The following PCLO variants were observed in gnomAD, a reference collection of about 807,000 sequenced individuals.
The protein encoded by PCLO is protein piccolo.
In PCLO, 82 loss-of-function variants were observed where a neutral mutation model predicts 427.5. The observed-to-expected ratio is 0.19, with a 90% CI of 0.16 to 0.23. The LOEUF (loss-of-function observed/expected upper bound fraction) is 0.23. PCLO is among the 10% of genes least tolerant of loss of function. The pLI, the probability that PCLO is intolerant of heterozygous loss-of-function variation, is 1.00. For synonymous variants in PCLO, 2,357 were observed against 2,155.4 expected (o/e 1.09, Z -2.59); for missense variants, 6,239 against 6,115.9 (o/e 1.02, Z -0.67).
At chr7:82,780,485 A>G (rs1411490723) in intron 22 of PCLO, among the ~76,000 whole-genome samples, 1 of 152,124 alleles carries the variant, frequency 6.6e-6, no homozygotes, top group Non-Finnish European at 1.5e-5. Flanking sequence ...GAAAATACCT[A>G]TCATCTCCCC....
Position 82,950,449 on chromosome 7 carries a change from C to G in PCLO, c.10139G>C (p.Gly3380Ala). The G allele has an allele frequency of 1.9e-6, 3 of 1,613,734 alleles. No individual in the cohort carries two copies. The highest frequency in any genetic ancestry group is 2.7e-5 in the African/African-American group (2 of 74,958). Residue 3380 changes from glycine (G) to alanine (A), a missense_variant, in exon 6 of 25, where the codon GGT becomes GCT. Physicochemically the swap from Gly to Ala is moderately conservative, Grantham distance 60 (BLOSUM62 0). Coordinates refer to ENST00000333891, the MANE Select transcript of PCLO (RefSeq NM_033026.6). Reference sequence around the variant, plus strand: ...AGGTGGGGCAATGTACTGAGTAACACCATCAGACTGAACGGTGTACCATCC... The same window carrying G: ...AGGTGGGGCAATGTACTGAGTAACAGCATCAGACTGAACGGTGTACCATCC... ...SQGWYTVQSDGVTQYIAPPGI... is the reference protein window; with the variant it reads ...SQGWYTVQSDAVTQYIAPPGI...
chr7:82,864,554 T>C (rs958887222), intron 10 of PCLO, among the ~76,000 whole-genome samples: 7 of 152,210 alleles, frequency 4.6e-5, no homozygotes, highest in African/African-American at 1.4e-4. Context: ...AATTAGATCA[T>C]TATTTTAAAA....
At position 82,758,521 on chromosome 7, in the gene PCLO, T is replaced by A; in HGVS notation, c.*54A>T. 1 of 1,499,986 alleles carries A rather than the reference T, an allele frequency of 6.7e-7. No homozygotes were observed. Among genetic ancestry groups the A allele is most frequent in the East Asian group, 2.3e-5 (1 of 44,174 alleles). 92.9% of individuals were successfully genotyped at this position (1,499,986 alleles called of 1,614,324 possible). A position where few individuals can be genotyped will look rare whatever the true frequency, so the allele number is the denominator to read the frequency against. On this transcript the variant is annotated 3_prime_UTR_variant, in exon 25 of 25. Coordinates refer to ENST00000333891, the MANE Select transcript of PCLO (RefSeq NM_033026.6). ...TTTGTACAATAGTATTCAACTATAG[T>A]CTTGATGTGAGGCTATTTAGAGCAG...
At chr7:82,776,534 C>T (rs1176890249) in intron 22 of PCLO, among the ~76,000 whole-genome samples, 1 of 152,204 alleles carries the variant, frequency 6.6e-6, no homozygotes, top group Non-Finnish European at 1.5e-5. Context: ...GTGACTCATG[C>T]CTGTAATCCC....
At chr7:83,106,810 T>C (rs1414288246) in intron 3 of PCLO, among the ~76,000 whole-genome samples, 1 of 152,150 alleles carries the variant, frequency 6.6e-6, no homozygotes, top group Admixed American at 6.6e-5. Flanking sequence ...TTTATAAAAA[T>C]AAGTATTAAT....
intron 16 of PCLO, among the ~76,000 whole-genome samples, chr7:82,831,022 G>T (rs905374916): frequency 2.0e-5 from 3 of 151,996 alleles, no homozygotes; most frequent in African/African-American, 7.2e-5. Flanking sequence ...TTTAATTCAT[G>T]CATGAAAAGC....
chr7:83,104,010 ATTG>A (rs1313570097), intron 3 of PCLO, among the ~76,000 whole-genome samples: 1 of 152,024 alleles, frequency 6.6e-6, no homozygotes, highest in African/African-American at 2.4e-5. Context: ...AAAGTTGAAA[ATTG>A]TTGTTCATTA....
intron 3 of PCLO, among the ~76,000 whole-genome samples, chr7:83,031,083 C>T (rs905111993): frequency 4.6e-5 from 7 of 152,096 alleles, no homozygotes; most frequent in Admixed American, 1.3e-4. Flanking sequence ...CACTTAGCTC[C>T]CCTGAGCTGC....
intron 3 of PCLO, among the ~76,000 whole-genome samples, chr7:83,083,989 G>A (rs952907402): frequency 6.6e-6 from 1 of 152,108 alleles, no homozygotes; most frequent in Non-Finnish European, 1.5e-5. Flanking sequence ...CTCTGTGTAG[G>A]AAACTCATCA....
chr7:82,987,244 T>C lies in PCLO; in HGVS notation c.3301-20757A>G, dbSNP rs370834712. 2.0e-5 allele frequency among the ~76,000 whole-genome samples: 3 copies of C among 152,114 alleles called. No homozygotes were observed. The East Asian group carries it at 5.8e-4, about 29-fold the overall frequency. On this transcript the variant is annotated intron_variant, in intron 3 of 24. Transcript: ENST00000333891. ...GATAAGACATAAAATAAAATCTTCA[T>C]ATTTATTGATTCTAGCTACTTGATT...
In PCLO at chr7:82,915,439, T is replaced by C. The variant is rs373828809; in HGVS notation, c.12547A>G (p.Ile4183Val). The C allele has an allele frequency of 6.2e-7, 1 of 1,613,648 alleles. No homozygotes were observed. Among genetic ancestry groups the C allele is most frequent in the Non-Finnish European group, 8.5e-7 (1 of 1,179,742 alleles). The change falls in exon 7 of 25, where the codon ATA (isoleucine) becomes GTA (valine). Residue 4183 changes from isoleucine (I) to valine (V), a missense_variant. Around this residue, in one of 5 missense-constraint regions of PCLO, gnomAD observed 680 missense variants for 677.3 expected, o/e 1.00. Coordinates refer to ENST00000333891, the MANE Select transcript of PCLO (RefSeq NM_033026.6). ...TGCTTTGACTGCTTTTGATAAAGTA[T>C]GGCTGCTGGCAGTTGTTTTGCTGCT... is the stretch of plus-strand genomic sequence containing the variant. ...KQAAKQLPAAILYQKQSKHKK... is the reference protein window; with the variant it reads ...KQAAKQLPAAVLYQKQSKHKK...
At chr7:82,874,558 A>G (rs1793323416) in intron 10 of PCLO, among the ~76,000 whole-genome samples, 1 of 152,200 alleles carries the variant, frequency 6.6e-6, no homozygotes, top group African/African-American at 2.4e-5. Flanking sequence ...AGTTATTTTT[A>G]AAGAATAAGC....
intron 2 of PCLO, among the ~76,000 whole-genome samples, chr7:83,140,418 T>G (rs978997170): frequency 1.3e-5 from 2 of 152,214 alleles, no homozygotes; most frequent in East Asian, 3.8e-4. Context: ...TTGGTGTTCT[T>G]ATGCTAGTAT....
chr7:82,880,141 T>G (rs1015234300), intron 9 of PCLO, among the ~76,000 whole-genome samples: 27 of 152,156 alleles, frequency 1.8e-4, no homozygotes, highest in Non-Finnish European at 3.1e-4. Context: ...TAAGTGTTTA[T>G]ATTTTTAGTT....
intron 3 of PCLO, among the ~76,000 whole-genome samples, chr7:83,084,870 A>AT (rs1790191510): frequency 6.6e-6 from 1 of 152,120 alleles, no homozygotes; most frequent in Admixed American, 6.6e-5. Context: ...CAACACAGAG[A>AT]TTTACCTCTT....
intron 4 of PCLO, 136 bp downstream of exon 4, chr7:82,965,635 T>C: frequency 3.3e-6 from 2 of 610,944 alleles, no homozygotes; most frequent in South Asian, 4.6e-5. Flanking sequence ...AAACAAGTGT[T>C]ATACTTCTTT....
chr7:83,080,776 TG>T (rs974699102), intron 3 of PCLO, among the ~76,000 whole-genome samples: 3 of 152,016 alleles, frequency 2.0e-5, no homozygotes, highest in Non-Finnish European at 4.4e-5. Context: ...CCCTTATCTG[TG>T]GGGGGTACTT....
At position 82,756,268 on chromosome 7, in the gene PCLO, C is replaced by T. The variant is rs1164189527; in HGVS notation, c.*2307G>A. On this transcript the variant is annotated 3_prime_UTR_variant, in exon 25 of 25. Transcript: ENST00000333891. ...GGAGATCTCCTTGGACCTTTTCTTC[C>T]CCAATTATGAGTGATGATTATAGGC... 6.6e-6 allele frequency: 1 copy of T among 151,920 alleles called. No individual in the cohort carries two copies. The highest frequency in any genetic ancestry group is 1.5e-5 in the Non-Finnish European group (1 of 67,986). The allele number at this position is 151,920 out of a possible 1,614,324, so 9.4% of individuals were successfully genotyped here.
chr7:83,009,238 A>G (rs1219439589), intron 3 of PCLO, among the ~76,000 whole-genome samples: 1 of 151,878 alleles, frequency 6.6e-6, no homozygotes, highest in Non-Finnish European at 1.5e-5. Context: ...ACATTTTTAG[A>G]GATAAATAAT....
Sources: gnomAD v4.1 joint callset for allele counts (sites outside exome capture counted in the v4.1 genomes callset) on GRCh38, gnomAD v4.1.1 for gene constraint, gnomAD v4.1.1 regional missense constraint, MANE v1.5 for transcripts, NCBI Gene and HGNC (gene_info 2026-07-23, HGNC 2026-07-21) for gene names.